The following PDGFC variants were observed in gnomAD, a reference collection of about 807,000 sequenced individuals.
PDGFC encodes platelet derived growth factor C.
PDGFC carries 12 observed loss-of-function variants against 35.5 expected under a neutral mutation model. The ratio of observed to expected loss-of-function variants is 0.34; its 90% confidence interval spans 0.22 to 0.55. The LOEUF (loss-of-function observed/expected upper bound fraction) is 0.55, where lower values mean the gene tolerates loss of function less well. Ranked by LOEUF, PDGFC falls within the 20% of genes least tolerant of loss-of-function variation. PDGFC has a pLI of 0.91. For synonymous variants in PDGFC, 159 were observed against 148.8 expected (o/e 1.07, Z -0.50); for missense variants, 322 against 412.4 (o/e 0.78, Z 1.90).
At chr4:156,834,226 A>G (rs923670039) in intron 2 of PDGFC, among the ~76,000 whole-genome samples, 1 of 152,194 alleles carries the variant, frequency 6.6e-6, no homozygotes, top group Non-Finnish European at 1.5e-5. Flanking sequence ...TAAGTTTTAA[A>G]GAGGAGTGTC....
chr4:156,792,612 CA>C (rs1731327138), intron 3 of PDGFC, among the ~76,000 whole-genome samples: 1 of 152,138 alleles, frequency 6.6e-6, no homozygotes, highest in South Asian at 2.1e-4. Context: ...CCATTATCTT[CA>C]GGCAGAAATG....
intron 1 of PDGFC, among the ~76,000 whole-genome samples, chr4:156,957,784 T>C (rs1206100563): frequency 6.6e-6 from 1 of 151,966 alleles, no homozygotes; most frequent in Non-Finnish European, 1.5e-5. Flanking sequence ...TCAATGTTCC[T>C]CCCTTTGTGC....
intron 4 of PDGFC, chr4:156,770,209 G>A (rs989343874): frequency 4.6e-5 from 7 of 151,866 alleles, no homozygotes; most frequent in African/African-American, 1.7e-4. Flanking sequence ...CCCTTTTTAC[G>A]TACTAGTTAA....
intron 2 of PDGFC, among the ~76,000 whole-genome samples, chr4:156,832,468 G>C (rs1728967715): frequency 6.6e-6 from 1 of 151,928 alleles, no homozygotes; most frequent in South Asian, 2.1e-4. Context: ...TGTTGGCCAG[G>C]CTGGCCTCGA....
intron 2 of PDGFC, among the ~76,000 whole-genome samples, chr4:156,831,439 CT>C (rs34254264): frequency 1.0e-3 from 104 of 99,316 alleles, no homozygotes; most frequent in East Asian, 5.4e-3. Context: ...GAGACCCTGT[CT>C]TTTTTTTTTT....
chr4:156,950,629 G>C (rs769039679), intron 1 of PDGFC, among the ~76,000 whole-genome samples: 8 of 151,524 alleles, frequency 5.3e-5, no homozygotes, highest in Non-Finnish European at 1.0e-4. Context: ...TTAATTTGTA[G>C]TTTAACTTCT....
chr4:156,900,599 G>A (rs922295902), intron 1 of PDGFC, among the ~76,000 whole-genome samples: 7 of 152,242 alleles, frequency 4.6e-5, no homozygotes, highest in South Asian at 2.1e-4. Flanking sequence ...CCAGCACTTC[G>A]GGAGGCTGAG....
At chr4:156,806,785 TATC>T (rs1215276308) in intron 3 of PDGFC, among the ~76,000 whole-genome samples, 3 of 152,036 alleles carry the variant, frequency 2.0e-5, no homozygotes, top group East Asian at 1.9e-4. Context: ...TTAGGTTTCT[TATC>T]ATTTTAAATA....
chr4:156,779,854 C>T (rs1003880162), intron 3 of PDGFC, among the ~76,000 whole-genome samples: 2 of 152,110 alleles, frequency 1.3e-5, no homozygotes, highest in African/African-American at 4.8e-5. Flanking sequence ...TGGTGGTCTA[C>T]AAACTAAAGA....
chr4:156,928,256 C>A (rs766810033), intron 1 of PDGFC, among the ~76,000 whole-genome samples: 1 of 151,984 alleles, frequency 6.6e-6, no homozygotes, highest in Non-Finnish European at 1.5e-5. Flanking sequence ...TTTATCTATC[C>A]GTCTATGTGA....
intron 2 of PDGFC, among the ~76,000 whole-genome samples, chr4:156,817,386 C>T (rs1446249779): frequency 6.6e-6 from 1 of 152,012 alleles, no homozygotes; most frequent in African/African-American, 2.4e-5. Context: ...GATATAATCA[C>T]AAGTAAGACT....
chr4:156,944,901 A>G (rs780584496), intron 1 of PDGFC, among the ~76,000 whole-genome samples: 67 of 151,598 alleles, frequency 4.4e-4, no homozygotes, highest in Non-Finnish European at 3.7e-4. Flanking sequence ...CTGATCCTCA[A>G]TCTTGCTAGG....
intron 2 of PDGFC, among the ~76,000 whole-genome samples, chr4:156,816,989 T>C (rs1315722694): frequency 6.6e-6 from 1 of 152,202 alleles, no homozygotes; most frequent in Non-Finnish European, 1.5e-5. Flanking sequence ...TGAAGAGTTT[T>C]AACCCTACTT....
chr4:156,878,435 C>T (rs1295877126), intron 1 of PDGFC, among the ~76,000 whole-genome samples: 1 of 152,046 alleles, frequency 6.6e-6, no homozygotes, highest in Non-Finnish European at 1.5e-5. Flanking sequence ...TTAAAAATTA[C>T]AATTAACAAA....
At chr4:156,828,197 C>T (rs1728834044) in intron 2 of PDGFC, among the ~76,000 whole-genome samples, 1 of 152,222 alleles carries the variant, frequency 6.6e-6, no homozygotes, top group African/African-American at 2.4e-5. Flanking sequence ...TCTAACAGCA[C>T]AAAATCCTTT....
At chr4:156,945,033 G>A (rs1560885203) in intron 1 of PDGFC, among the ~76,000 whole-genome samples, 1 of 151,660 alleles carries the variant, frequency 6.6e-6, no homozygotes, top group East Asian at 1.9e-4. Context: ...GACTTATTTC[G>A]AACTGCAACA....
At chr4:156,875,647 G>C (rs560747866) in intron 1 of PDGFC, among the ~76,000 whole-genome samples, 1 of 152,360 alleles carries the variant, frequency 6.6e-6, no homozygotes, top group Non-Finnish European at 1.5e-5. Flanking sequence ...GCCGGGCGCA[G>C]TGGCTCACGC....
At chr4:156,823,675 T>C (rs1231133359) in intron 2 of PDGFC, among the ~76,000 whole-genome samples, 1 of 152,124 alleles carries the variant, frequency 6.6e-6, no homozygotes, top group African/African-American at 2.4e-5. Flanking sequence ...CAAAATACTG[T>C]GAAGGTTCCT....
chr4:156,862,844 G>A (rs1476501153), intron 1 of PDGFC, among the ~76,000 whole-genome samples: 1 of 151,582 alleles, frequency 6.6e-6, no homozygotes, highest in Non-Finnish European at 1.5e-5. Flanking sequence ...ACAGGCACCT[G>A]CCACCGCGCC....
Sources: allele counts gnomAD v4.1 joint callset (sites outside exome capture counted in the v4.1 genomes callset), GRCh38; gene constraint gnomAD v4.1.1; transcripts MANE v1.5; gene names NCBI Gene and HGNC (gene_info 2026-07-23, HGNC 2026-07-21).